The following TSPAN5 variants were observed in gnomAD, a reference collection of about 807,000 sequenced individuals.
TSPAN5 encodes tetraspanin 5.
In TSPAN5, 10 loss-of-function variants were observed where a neutral mutation model predicts 37.1. The ratio of observed to expected loss-of-function variants is 0.27; its 90% CI spans 0.17 to 0.46. The LOEUF is 0.46. Ranked by LOEUF, TSPAN5 falls within the 20% of genes least tolerant of loss-of-function variation. TSPAN5 has a pLI of 1.00. For synonymous variants in TSPAN5, 110 were observed against 118.9 expected, an observed-to-expected ratio of 0.93 and a Z score of 0.48; for missense variants, 195 against 326.6, an observed-to-expected ratio of 0.60 and a Z score of 3.11.
intron 1 of TSPAN5, among the ~76,000 whole-genome samples, chr4:98,544,625 G>A (rs553107308): frequency 1.9e-4 from 29 of 152,262 alleles, no homozygotes; most frequent in African/African-American, 7.0e-4. Context: ...TGTTCATAAC[G>A]ACGGCAACAA....
chr4:98,481,634 A>C (rs967908526), intron 4 of TSPAN5, among the ~76,000 whole-genome samples: 2 of 152,234 alleles, frequency 1.3e-5, no homozygotes, highest in Non-Finnish European at 2.9e-5. Flanking sequence ...GATTACCAAA[A>C]AAGGGGGCAA....
At chr4:98,485,819 A>G (rs958374801) in intron 3 of TSPAN5, among the ~76,000 whole-genome samples, 12 of 149,708 alleles carry the variant, frequency 8.0e-5, no homozygotes, top group Non-Finnish European at 8.9e-5. Flanking sequence ...ATGTGTCAAC[A>G]AAAGTTGGGA....
At chr4:98,644,242 T>C (rs1489364260) in intron 1 of TSPAN5, among the ~76,000 whole-genome samples, 4 of 152,200 alleles carry the variant, frequency 2.6e-5, no homozygotes, top group African/African-American at 4.8e-5. Flanking sequence ...GAAGAAATGC[T>C]TAAAAGCCAC....
chr4:98,558,731 C>T (rs938383122), intron 1 of TSPAN5, among the ~76,000 whole-genome samples: 7 of 152,162 alleles, frequency 4.6e-5, no homozygotes, highest in Non-Finnish European at 8.8e-5. Flanking sequence ...ACCTGTTCAC[C>T]CTTAGCGAGC....
At chr4:98,624,519 GTTTT>G (rs1050086654) in intron 1 of TSPAN5, among the ~76,000 whole-genome samples, 1 of 152,126 alleles carries the variant, frequency 6.6e-6, no homozygotes. Flanking sequence ...GTTTTTCTGT[GTTTT>G]TTGTTTGTTT....
intron 1 of TSPAN5, among the ~76,000 whole-genome samples, chr4:98,564,236 T>C (rs1754946555): frequency 6.6e-6 from 1 of 152,234 alleles, no homozygotes; most frequent in South Asian, 2.1e-4. Context: ...GTTTACATGC[T>C]TTTCTATACA....
At chr4:98,555,351 A>T (rs1259701131) in intron 1 of TSPAN5, among the ~76,000 whole-genome samples, 1 of 152,174 alleles carries the variant, frequency 6.6e-6, no homozygotes, top group Admixed American at 6.5e-5. Flanking sequence ...TGCTAATTGC[A>T]TCTCTTTCTT....
In TSPAN5 at chr4:98,638,488, G is replaced by T. The variant is rs76554415; in HGVS notation, c.81+19658C>A. ...CATCTGAACGCATTTAACTGGCTAGGTATCAACTTATATGTAATACACCGG... is the reference window on the plus strand; with the variant it reads ...CATCTGAACGCATTTAACTGGCTAGTTATCAACTTATATGTAATACACCGG... On this transcript the variant is annotated intron_variant, in intron 1 of 7. Coordinates refer to ENST00000305798, the MANE Select transcript of TSPAN5 (RefSeq NM_005723.4). Among the ~76,000 whole-genome samples, 252 of 152,184 alleles carry T rather than the reference G, an allele frequency of 1.7e-3. 1 individual carries two copies. The highest frequency in any genetic ancestry group is 5.9e-3 in the African/African-American group (244 of 41,514).
At chr4:98,606,622 C>T (rs957360334) in intron 1 of TSPAN5, among the ~76,000 whole-genome samples, 5 of 152,006 alleles carry the variant, frequency 3.3e-5, no homozygotes, top group African/African-American at 7.2e-5. Context: ...TTTTCCAAAA[C>T]GACAAAAAAG....
intron 1 of TSPAN5, among the ~76,000 whole-genome samples, chr4:98,569,575 C>T (rs1488448286): frequency 6.6e-6 from 1 of 152,044 alleles, no homozygotes; most frequent in Non-Finnish European, 1.5e-5. Context: ...CATAAGGTGA[C>T]CAACAGTGTA....
rs754280512 is a variant in TSPAN5, at chr4:98,472,551, C to T, written c.778G>A (p.Asp260Asn). The T allele has an allele frequency of 6.2e-6, 10 of 1,613,790 alleles. No homozygotes were observed. Among genetic ancestry groups the T allele is most frequent in the East Asian group, 2.2e-5 (1 of 44,884 alleles). The part of the protein sequence containing the change: ...GICLAQNLVS[D>N]IEAVRASW ...CAGCTCGCCCTGACAGCTTCGATAT[C>T]GCTAACCAAATTCTGGGCCAGGCAT... Residue 260 changes from aspartate to asparagine, a missense_variant, in exon 8 of 8, where the codon GAT becomes AAT. Physicochemically the swap from Asp to Asn is conservative, Grantham distance 23. Coordinates refer to ENST00000305798, the MANE Select transcript of TSPAN5 (RefSeq NM_005723.4).
chr4:98,650,470 T>A (rs1757162234), intron 1 of TSPAN5, among the ~76,000 whole-genome samples: 2 of 152,148 alleles, frequency 1.3e-5, no homozygotes, highest in Non-Finnish European at 2.9e-5. Context: ...TGGGGAGATT[T>A]ACCAAATAAG....
chr4:98,495,418 G>A (rs762236648), intron 2 of TSPAN5, among the ~76,000 whole-genome samples: 2 of 151,828 alleles, frequency 1.3e-5, no homozygotes, highest in Admixed American at 6.6e-5. Flanking sequence ...CCAGCTACTC[G>A]GGAGGCTGAG....
At chr4:98,474,790 C>T (rs1429025332) in intron 7 of TSPAN5, among the ~76,000 whole-genome samples, 1 of 152,202 alleles carries the variant, frequency 6.6e-6, no homozygotes, top group Admixed American at 6.5e-5. Flanking sequence ...CCTCCCACTT[C>T]AGCCTGCTGA....
chr4:98,654,523 G>A (rs1010369532), intron 1 of TSPAN5, among the ~76,000 whole-genome samples: 2 of 152,082 alleles, frequency 1.3e-5, no homozygotes, highest in East Asian at 1.9e-4. Flanking sequence ...GTCCCAGTAC[G>A]GTGACACCCT....
Position 98,573,003 on chromosome 4 carries a change from AG to A in TSPAN5, c.82-65276del, listed in dbSNP as rs1203115150. ...AACTAACCATATGTTGTTTTCATCA[AG>A]GGCTGAACAAAAGTAACATAGACCC... On this transcript the variant is annotated intron_variant, in intron 1 of 7. Transcript: ENST00000305798. Among the ~76,000 whole-genome samples, 7 of 152,356 alleles carry A rather than the reference AG, an allele frequency of 4.6e-5. No individual in the cohort carries two copies. In the East Asian group the frequency reaches 1.3e-3, roughly 29 times the overall value.
intron 2 of TSPAN5, among the ~76,000 whole-genome samples, chr4:98,498,171 A>G (rs1319147517): frequency 6.6e-6 from 1 of 152,166 alleles, no homozygotes; most frequent in Non-Finnish European, 1.5e-5. Context: ...CACCCTCACC[A>G]GAAACCAGCC....
chr4:98,629,496 A>T (rs1046985920), intron 1 of TSPAN5, among the ~76,000 whole-genome samples: 5 of 152,240 alleles, frequency 3.3e-5, no homozygotes, highest in Non-Finnish European at 1.5e-5. Context: ...TCCTAATGCA[A>T]ACATTCTCAT....
chr4:98,571,892 T>G (rs1344470581), intron 1 of TSPAN5, among the ~76,000 whole-genome samples: 3 of 152,220 alleles, frequency 2.0e-5, no homozygotes, highest in Non-Finnish European at 4.4e-5. Flanking sequence ...AAATTTCTGC[T>G]GTCAATGATA....
Sources: allele counts gnomAD v4.1 joint callset (sites outside exome capture counted in the v4.1 genomes callset), GRCh38; gene constraint gnomAD v4.1.1; transcripts MANE v1.5; gene names NCBI Gene and HGNC (gene_info 2026-07-23, HGNC 2026-07-21).